The following TPP2 variants were observed in gnomAD, a reference collection of about 807,000 sequenced individuals.
The protein encoded by TPP2 is tripeptidyl-peptidase 2.
Under a neutral mutation model 155.9 loss-of-function variants are expected in TPP2, and 34 were observed. The observed-to-expected ratio is 0.22, with a 90% CI of 0.17 to 0.29. The LOEUF is 0.29. Among genes scored for constraint, TPP2 ranks in the 10% least tolerant of loss-of-function variants. The probability of loss-of-function intolerance (pLI) is 1.00; values close to 1 mark genes in which losing one functional copy is unlikely to be tolerated. For missense variants in TPP2, 1,028 were observed against 1,522.3 expected, an observed-to-expected ratio of 0.68 and a Z score of 5.40; for synonymous variants, 510 against 529.4, an observed-to-expected ratio of 0.96 and a Z score of 0.50.
At chr13:102,656,935 A>G (rs772401828) in intron 24 of TPP2, 121 bp from the exon 25 acceptor site, 20 of 1,048,036 alleles carry the variant, frequency 1.9e-5, no homozygotes, top group Non-Finnish European at 2.7e-5. Flanking sequence ...CTTAGAATCT[A>G]GAATACAGTG....
chr13:102,636,979 C>T, intron 13 of TPP2, 103 bp from the exon 14 acceptor site: 1 of 1,232,900 alleles, frequency 8.1e-7, no homozygotes, highest in Non-Finnish European at 1.1e-6. Flanking sequence ...ATTTTACAGC[C>T]AACCAAACCA....
chr13:102,626,963 T>C (rs766312473), intron 6 of TPP2, 49 bp from the exon 7 acceptor site: 2 of 1,442,030 alleles, frequency 1.4e-6, no homozygotes. Flanking sequence ...TTGAATAAAC[T>C]TTCAGTCCAT....
intron 25 of TPP2, among the ~76,000 whole-genome samples, chr13:102,658,128 C>G (rs1162979193): frequency 6.6e-6 from 1 of 152,138 alleles, no homozygotes; most frequent in African/African-American, 2.4e-5. Context: ...TTTGGGCTTG[C>G]TTTTTACTTG....
intron 5 of TPP2, among the ~76,000 whole-genome samples, chr13:102,621,110 T>C (rs924499383): frequency 2.0e-5 from 3 of 152,226 alleles, no homozygotes; most frequent in Non-Finnish European, 4.4e-5. Context: ...ACATTCATAC[T>C]TGTCCTCTGT....
chr13:102,597,016 T>A lies in TPP2; in HGVS notation c.-23T>A. ...GCGCGCAGCCTGGCAGTTTGCCGCT[T>A]CCTCGTCCTCCATCCTGCGTCCATG... On this transcript the variant is annotated 5_prime_UTR_variant, in exon 1 of 30. Coordinates refer to ENST00000376052, the MANE Select transcript of TPP2 (RefSeq NM_001330588.2). The A allele has an allele frequency of 1.2e-6, 2 of 1,608,516 alleles. No homozygotes were observed. Among genetic ancestry groups the A allele is most frequent in the Non-Finnish European group, 1.7e-6 (2 of 1,178,020 alleles).
chr13:102,632,176 G>A (rs1376713624), intron 10 of TPP2, among the ~76,000 whole-genome samples: 1 of 151,974 alleles, frequency 6.6e-6, no homozygotes, highest in African/African-American at 2.4e-5. Context: ...ATTATATATT[G>A]TAATTGAGAA....
At chr13:102,602,720 C>T (rs1477685424) in intron 1 of TPP2, among the ~76,000 whole-genome samples, 1 of 152,072 alleles carries the variant, frequency 6.6e-6, no homozygotes, top group African/African-American at 2.4e-5. Flanking sequence ...AGAGGAAATA[C>T]TTGTGTTGGG....
chr13:102,667,423 C>T (rs1884680538), intron 27 of TPP2, among the ~76,000 whole-genome samples: 1 of 152,148 alleles, frequency 6.6e-6, no homozygotes, highest in Non-Finnish European at 1.5e-5. Flanking sequence ...GCAAGATAGT[C>T]TCTACTCTTA....
intron 25 of TPP2, among the ~76,000 whole-genome samples, chr13:102,658,894 G>A (rs1884027315): frequency 6.6e-6 from 1 of 152,132 alleles, no homozygotes; most frequent in South Asian, 2.1e-4. Context: ...AGTACTGTTG[G>A]GAACACTGGG....
At position 102,674,042 on chromosome 13, in the gene TPP2, C is replaced by T. The variant is rs1296437877; in HGVS notation, c.3372-241C>T. Among the ~76,000 whole-genome samples the T allele has an allele frequency of 7.2e-5, 11 of 152,106 alleles. No individual in the cohort carries two copies. The South Asian group carries it at 1.2e-3, about 17-fold the overall frequency. ...TTCAACTCTGTTGCTTCTGGCATTC[C>T]GTTTCAACCAGGTGCAGCTACCCTA... On this transcript the variant is annotated intron_variant, in intron 27 of 29. Coordinates refer to ENST00000376052, the MANE Select transcript of TPP2 (RefSeq NM_001330588.2).
At chr13:102,600,879 C>T (rs752098843) in intron 1 of TPP2, among the ~76,000 whole-genome samples, 1 of 151,764 alleles carries the variant, frequency 6.6e-6, no homozygotes, top group East Asian at 1.9e-4. Flanking sequence ...AGTGTCCTAA[C>T]CTCTTTTTTT....
At chr13:102,611,975 C>G (rs910585973) in intron 2 of TPP2, among the ~76,000 whole-genome samples, 1 of 152,134 alleles carries the variant, frequency 6.6e-6, no homozygotes, top group South Asian at 2.1e-4. Context: ...TTTGTCCCTT[C>G]GTTTTTGGAT....
chr13:102,617,141 C>T (rs896979735), intron 4 of TPP2, among the ~76,000 whole-genome samples: 4 of 151,804 alleles, frequency 2.6e-5, no homozygotes, highest in East Asian at 1.9e-4. Flanking sequence ...GTCTTGAACT[C>T]CCAACCTTGT....
chr13:102,660,593 C>T (rs1312498567), intron 25 of TPP2, among the ~76,000 whole-genome samples: 1 of 152,162 alleles, frequency 6.6e-6, no homozygotes, highest in Non-Finnish European at 1.5e-5. Context: ...TCAGTTGAAT[C>T]CCCATCAGGA....
In TPP2 at chr13:102,618,845, A is replaced by G; in HGVS notation, c.619A>G (p.Arg207Gly). Residue 207 changes from arginine to glycine, a missense_variant and splice_region_variant, in exon 5 of 30, where the codon AGA becomes GGA. Physicochemically the swap from Arg to Gly is moderately radical, Grantham distance 125. Coordinates refer to ENST00000376052, the MANE Select transcript of TPP2 (RefSeq NM_001330588.2). ...GGTATGGCATGATGGCGAAGTCTGG[A>G]GGTAAACTTCGTGTATTTTATACAT... ...CLVWHDGEVW[R>G]ACIDSNEDGD... 6.2e-7 allele frequency: 1 copy of G among 1,601,458 alleles called. No individual in the cohort carries two copies. Among genetic ancestry groups the G allele is most frequent in the Non-Finnish European group, 8.5e-7 (1 of 1,176,092 alleles).
chr13:102,659,238 A>G (rs868773585), intron 25 of TPP2, among the ~76,000 whole-genome samples: 1 of 152,216 alleles, frequency 6.6e-6, no homozygotes, highest in African/African-American at 2.4e-5. Flanking sequence ...GTGGGACACC[A>G]TTAGTGCACC....
chr13:102,640,398 G>A, intron 16 of TPP2, 22 bp downstream of exon 16: 1 of 1,567,436 alleles, frequency 6.4e-7, no homozygotes, highest in Non-Finnish European at 8.8e-7. Flanking sequence ...TAAAATCTGT[G>A]TGACCGCTTA....
chr13:102,597,807 C>G (rs1198918541), intron 1 of TPP2, among the ~76,000 whole-genome samples: 1 of 152,200 alleles, frequency 6.6e-6, no homozygotes, highest in African/African-American at 2.4e-5. Context: ...TAACCCAGTC[C>G]TCTTCCGGAA....
At chr13:102,628,320 C>G (rs1276475263) in intron 8 of TPP2, among the ~76,000 whole-genome samples, 1 of 152,180 alleles carries the variant, frequency 6.6e-6, no homozygotes, top group African/African-American at 2.4e-5. Context: ...CAATTTAGAT[C>G]TGACAATCTG....
Sources: gnomAD v4.1 joint callset for allele counts (sites outside exome capture counted in the v4.1 genomes callset) on GRCh38, gnomAD v4.1.1 for gene constraint, MANE v1.5 for transcripts, NCBI Gene and HGNC (gene_info 2026-07-23, HGNC 2026-07-21) for gene names.